Variants in DENND2C observed in about 807,000 individuals in gnomAD.
The protein encoded by DENND2C is DENN domain-containing protein 2C.
DENND2C carries 72 observed loss-of-function variants against 112.4 expected under a neutral mutation model. The ratio of observed to expected loss-of-function variants is 0.64; its 90% CI spans 0.53 to 0.78. DENND2C has a LOEUF of 0.78. DENND2C is among the 30% of genes least tolerant of loss of function. The pLI, the probability that DENND2C is intolerant of heterozygous loss-of-function variation, is 0.00. For missense variants in DENND2C, 992 were observed against 1,113.8 expected, an observed-to-expected ratio of 0.89 and a Z score of 1.56; for synonymous variants, 329 against 381.6, an observed-to-expected ratio of 0.86 and a Z score of 1.61.
Position 114,584,539 on chromosome 1 carries a change from G to A in DENND2C, c.*1061C>T, listed in dbSNP as rs992444080. 6.6e-6 allele frequency: 1 copy of A among 152,146 alleles called. No homozygotes were observed. The highest frequency in any genetic ancestry group is 1.5e-5 in the Non-Finnish European group (1 of 68,062). The allele number at this position is 152,146 out of a possible 1,614,324, so 9.4% of individuals were successfully genotyped here. On this transcript the variant is annotated 3_prime_UTR_variant, in exon 21 of 21. Coordinates refer to ENST00000393274, the MANE Select transcript of DENND2C (RefSeq NM_001256404.2). Reference sequence around the variant, plus strand: ...GATCCACTCGCCTTGGACTCCCATAGTGCTGGGATTACAGACGTGAGCCAT... The same window carrying A: ...GATCCACTCGCCTTGGACTCCCATAATGCTGGGATTACAGACGTGAGCCAT...
chr1:114,610,717 A>T (rs1459539808), intron 9 of DENND2C, among the ~76,000 whole-genome samples: 1 of 151,696 alleles, frequency 6.6e-6, no homozygotes, highest in Non-Finnish European at 1.5e-5. Context: ...AAAAAAAAAA[A>T]TCAGATATTT....
chr1:114,616,711 C>A (rs768882655), intron 8 of DENND2C, among the ~76,000 whole-genome samples: 2 of 151,852 alleles, frequency 1.3e-5, no homozygotes, highest in Non-Finnish European at 2.9e-5. Flanking sequence ...AAAAATTAGC[C>A]GGGTGTGGTG....
chr1:114,636,140 A>G (rs989897992), intron 3 of DENND2C, among the ~76,000 whole-genome samples: 2 of 151,904 alleles, frequency 1.3e-5, no homozygotes, highest in African/African-American at 2.4e-5. Flanking sequence ...TGTTTATGGG[A>G]TAAAGAAAAC....
rs180715054 is a variant in DENND2C, at chr1:114,655,485, T to A, written c.-573-724A>T. On this transcript the variant is annotated intron_variant, in intron 1 of 20. Coordinates refer to ENST00000393274, the MANE Select transcript of DENND2C (RefSeq NM_001256404.2). ...AGTGTTTTCAAAAACCTATAAAAAA[T>A]TTTTTTGTTGTTGTTTGAGATGGAG... Among the ~76,000 whole-genome samples the A allele has an allele frequency of 3.2e-4, 48 of 152,212 alleles. No homozygotes were observed. The Middle Eastern group carries it at 0.014, about 43-fold the overall frequency.
rs1430729933 is a variant in DENND2C at position 114,623,548 on chromosome 1, T to C, written c.902A>G (p.Tyr301Cys). 2.5e-6 allele frequency: 4 copies of C among 1,611,088 alleles called. No homozygotes were observed. The highest frequency in any genetic ancestry group is 1.3e-5 in the African/African-American group (1 of 74,840). The change falls in exon 5 of 21, where the codon TAT becomes TGT. Residue 301 changes from tyrosine to cysteine, a missense_variant. Coordinates refer to ENST00000393274, the MANE Select transcript of DENND2C (RefSeq NM_001256404.2). ...ELGRNSGSAL[Y>C]YTQSEDNIYE... ...GATATTGTCCTCAGACTGTGTGTAA[T>C]AAAGTGCTGACCCAGAATTTCTTCC...
In DENND2C at chr1:114,623,661, A is replaced by C. The variant is rs1328744186; in HGVS notation, c.807-18T>G. The stretch of plus-strand genomic sequence containing the variant: ...AGGATTTCCTTAAAAAAGGAGATAT[A>C]TTTTAAAGTTATATCTTTCAAAACT... On this transcript the variant is annotated intron_variant, in intron 4 of 20. Coordinates refer to ENST00000393274, the MANE Select transcript of DENND2C (RefSeq NM_001256404.2). 2.6e-6 allele frequency: 4 copies of C among 1,553,570 alleles called. No homozygotes were observed. The African/African-American group carries it at 5.5e-5, about 22-fold the overall frequency.
chr1:114,654,208 G>A (rs562008061), intron 2 of DENND2C, among the ~76,000 whole-genome samples: 222 of 152,248 alleles, frequency 1.5e-3, no homozygotes, highest in African/African-American at 5.2e-3. Flanking sequence ...TGAGGTGGGT[G>A]GATCACGAAG....
At chr1:114,612,290 T>C (rs910579048) in intron 8 of DENND2C, among the ~76,000 whole-genome samples, 1 of 152,074 alleles carries the variant, frequency 6.6e-6, no homozygotes, top group African/African-American at 2.4e-5. Context: ...TATTTTCAAA[T>C]GATGTTTGTA....
chr1:114,664,443 T>C lies in DENND2C; in HGVS notation c.-574+5540A>G, dbSNP rs965084951. On this transcript the variant is annotated intron_variant, in intron 1 of 20. Transcript: ENST00000393274. ...GAATGGGCAACACAGTGAAACCCCA[T>C]CTCTACAAAAGAAAAAAATTTATGT... 7.9e-5 allele frequency among the ~76,000 whole-genome samples: 12 copies of C among 151,956 alleles called. 1 individual carries two copies. The highest frequency in any genetic ancestry group is 4.2e-4 in the South Asian group (2 of 4,812).
chr1:114,658,890 T>A (rs1657406182), intron 1 of DENND2C, among the ~76,000 whole-genome samples: 1 of 151,972 alleles, frequency 6.6e-6, no homozygotes, highest in African/African-American at 2.4e-5. Flanking sequence ...TAAAATTTTT[T>A]AAATGATGAT....
intron 8 of DENND2C, among the ~76,000 whole-genome samples, chr1:114,615,967 C>T (rs57281280): frequency 0.052 from 7,893 of 151,908 alleles, 231 homozygotes; most frequent in South Asian, 0.085. Context: ...CCCAGCTACT[C>T]GGGAGGCTGA....
intron 8 of DENND2C, among the ~76,000 whole-genome samples, chr1:114,615,464 T>C (rs913718235): frequency 4.6e-5 from 7 of 152,238 alleles, no homozygotes; most frequent in African/African-American, 2.4e-5. Flanking sequence ...TCTTTGTTTG[T>C]AAAATTATAA....
chr1:114,615,493 G>A (rs1428043807), intron 8 of DENND2C, among the ~76,000 whole-genome samples: 2 of 152,164 alleles, frequency 1.3e-5, no homozygotes, highest in Non-Finnish European at 2.9e-5. Flanking sequence ...ACCTCCTAGT[G>A]TTGTCATACG....
At chr1:114,628,491 A>G (rs1279704523) in intron 3 of DENND2C, among the ~76,000 whole-genome samples, 4 of 152,196 alleles carry the variant, frequency 2.6e-5, no homozygotes, top group Non-Finnish European at 4.4e-5. Context: ...TCCTAAATGT[A>G]TGCTTTAATA....
chr1:114,642,735 G>C (rs972419172), intron 3 of DENND2C, among the ~76,000 whole-genome samples: 1 of 152,066 alleles, frequency 6.6e-6, no homozygotes, highest in Non-Finnish European at 1.5e-5. Context: ...AGCATCCTTT[G>C]GCACAACAGA....
At chr1:114,613,426 T>C (rs142523280) in intron 8 of DENND2C, among the ~76,000 whole-genome samples, 16 of 152,196 alleles carry the variant, frequency 1.1e-4, no homozygotes, top group African/African-American at 3.1e-4. Context: ...ATTCTTAAGA[T>C]AGGTGGGAAA....
intron 12 of DENND2C, 58 bp downstream of exon 12, chr1:114,602,067 T>C: frequency 6.5e-7 from 1 of 1,545,504 alleles, no homozygotes; most frequent in Non-Finnish European, 8.9e-7. Context: ...CTGAAGTTCC[T>C]ACTCTGACTC....
intron 18 of DENND2C, among the ~76,000 whole-genome samples, chr1:114,588,153 T>C (rs1460783004): frequency 6.6e-6 from 1 of 152,178 alleles, no homozygotes; most frequent in Non-Finnish European, 1.5e-5. Flanking sequence ...TTCATTTTCT[T>C]CCCATACATA....
chr1:114,589,484 C>T (rs1655126373), intron 18 of DENND2C, among the ~76,000 whole-genome samples: 1 of 152,004 alleles, frequency 6.6e-6, no homozygotes, highest in African/African-American at 2.4e-5. Context: ...CATCTCTTTC[C>T]TTCTGCAGCT....
Sources: allele counts gnomAD v4.1 joint callset (sites outside exome capture counted in the v4.1 genomes callset), GRCh38; gene constraint gnomAD v4.1.1; transcripts MANE v1.5; gene names NCBI Gene and HGNC (gene_info 2026-07-23, HGNC 2026-07-21).